The following CSMD3 variants were observed in gnomAD, a reference collection of about 807,000 sequenced individuals.
CSMD3 encodes CUB and sushi domain-containing protein 3.
In CSMD3, 177 loss-of-function variants were observed where a neutral mutation model predicts 435.2. That is an observed-to-expected ratio of 0.41 (90% CI 0.36 to 0.46). CSMD3 has a LOEUF of 0.46. Among genes scored for constraint, CSMD3 ranks in the 20% least tolerant of loss-of-function variants. The pLI is 0.34. For synonymous variants in CSMD3, 1,656 were observed against 1,520.5 expected (o/e 1.09, Z -2.07); for missense variants, 4,265 against 4,504.6 (o/e 0.95, Z 1.52).
Position 113,300,839 on chromosome 8 carries a change from A to G in CSMD3, c.401+13732T>C, listed in dbSNP as rs558624574. Among the ~76,000 whole-genome samples, 8 of 152,268 alleles carry G rather than the reference A, an allele frequency of 5.3e-5. No individual in the cohort carries two copies. The South Asian group carries it at 1.7e-3, about 32-fold the overall frequency. The stretch of plus-strand genomic sequence containing the variant: ...GCACATATATCCTCTGAATTCAAAA[A>G]TTTAAAAAGGGCACGATATTTATTA... On this transcript the variant is annotated intron_variant, in intron 2 of 70. Coordinates refer to ENST00000297405, the MANE Select transcript of CSMD3 (RefSeq NM_198123.2).
intron 13 of CSMD3, among the ~76,000 whole-genome samples, chr8:112,766,904 T>G (rs1246171158): frequency 6.6e-6 from 1 of 151,836 alleles, no homozygotes; most frequent in Non-Finnish European, 1.5e-5. Flanking sequence ...TTTGCAATCT[T>G]GAGCAGGATA....
At chr8:113,378,104 C>T (rs898541443) in intron 1 of CSMD3, among the ~76,000 whole-genome samples, 1 of 152,076 alleles carries the variant, frequency 6.6e-6, no homozygotes, top group Non-Finnish European at 1.5e-5. Context: ...AATAATATAA[C>T]ATAGACAGAA....
At position 112,517,128 on chromosome 8, in the gene CSMD3, A is replaced by G. The variant is rs1443237969; in HGVS notation, c.4662T>C (p.Cys1554=). ...REPGDTVVFQ[C]DPGYELQGEE... is the part of the protein sequence containing the mutation. ...CTCCTTGAAGTTCATATCCTGGGTC[A>G]CATTGAAAAACAACAGTGTCCCCAG... Residue 1554 remains cysteine (C), a synonymous_variant, in exon 28 of 71, where the codon TGT becomes TGC. Coordinates refer to ENST00000297405, the MANE Select transcript of CSMD3 (RefSeq NM_198123.2). The G allele has an allele frequency of 6.2e-7, 1 of 1,613,666 alleles. No homozygotes were observed. The highest frequency in any genetic ancestry group is 1.7e-5 in the Admixed American group (1 of 59,964).
rs114967900 is a variant in CSMD3, at chr8:113,244,764, T to C, written c.514+33828A>G. On this transcript the variant is annotated intron_variant, in intron 3 of 70. Coordinates refer to ENST00000297405, the MANE Select transcript of CSMD3 (RefSeq NM_198123.2). ...ATAAGGGTTTATATCTGGACTGGTT[T>C]TTTTCTTGTGTTTTTGAGTGGAGTG... Among the ~76,000 whole-genome samples the C allele has an allele frequency of 7.1e-3, 1,083 of 152,260 alleles. 10 individuals carry two copies. The highest frequency in any genetic ancestry group is 0.025 in the African/African-American group (1,041 of 41,570).
intron 32 of CSMD3, among the ~76,000 whole-genome samples, chr8:112,463,690 T>C (rs1817674159): frequency 6.6e-6 from 1 of 152,178 alleles, no homozygotes; most frequent in Non-Finnish European, 1.5e-5. Flanking sequence ...TACTTTATAA[T>C]GAATCACATA....
intron 32 of CSMD3, among the ~76,000 whole-genome samples, chr8:112,433,654 C>CAAAAAAAAAAAAAAAAAAAAAAAAAAA (rs35572894): frequency 4.4e-4 from 41 of 93,110 alleles, no homozygotes; most frequent in East Asian, 6.5e-4. Flanking sequence ...GAGAACCTGT[C>CAAAAAAAAAAAAAAAAAAAAAAAAAAA]AAAAAAAAAA....
At chr8:112,689,812 T>A in intron 14 of CSMD3, 56 bp downstream of exon 14, 1 of 1,474,070 alleles carries the variant, frequency 6.8e-7, no homozygotes, top group Non-Finnish European at 9.5e-7. Context: ...CAAAAGCAAT[T>A]ATATGCAAGG....
At chr8:112,539,077 G>C (rs1270323913) in intron 27 of CSMD3, 6 of 154,082 alleles carry the variant, frequency 3.9e-5, no homozygotes, top group Non-Finnish European at 8.7e-5. Context: ...CAACTCTGAA[G>C]ATGATCAGAC....
In CSMD3 at chr8:113,232,946, T is replaced by C. The variant is rs144496189; in HGVS notation, c.514+45646A>G. ...GTGGAACATTTCATTTTTATCCTTT[T>C]ACTGTCTTCCCTAGTAATATTTTTA... On this transcript the variant is annotated intron_variant, in intron 3 of 70. Transcript: ENST00000297405. 5.3e-5 allele frequency among the ~76,000 whole-genome samples: 8 copies of C among 152,040 alleles called. No homozygotes were observed. In the East Asian group the frequency reaches 1.5e-3, roughly 29 times the overall value.
intron 12 of CSMD3, among the ~76,000 whole-genome samples, chr8:112,818,253 T>C (rs2079434559): frequency 6.6e-6 from 1 of 152,070 alleles, no homozygotes; most frequent in South Asian, 2.1e-4. Context: ...TAAATATGTA[T>C]CAAAGTGATA....
At chr8:113,353,012 G>A (rs2094199954) in intron 1 of CSMD3, among the ~76,000 whole-genome samples, 1 of 152,110 alleles carries the variant, frequency 6.6e-6, no homozygotes, top group Non-Finnish European at 1.5e-5. Flanking sequence ...CTAAAATGAT[G>A]GAAGGAATAA....
intron 4 of CSMD3, among the ~76,000 whole-genome samples, chr8:113,153,058 AAAAAG>A (rs1302236251): frequency 7.0e-6 from 1 of 143,444 alleles, no homozygotes; most frequent in Admixed American, 7.5e-5. Flanking sequence ...AGAAGAGAGA[AAAAAG>A]AAAAAAGAAA....
At chr8:113,331,776 A>G (rs921240398) in intron 1 of CSMD3, among the ~76,000 whole-genome samples, 6 of 151,694 alleles carry the variant, frequency 4.0e-5, no homozygotes, top group African/African-American at 1.4e-4. Flanking sequence ...AGAATGGAAC[A>G]CCTTCAACCT....
intron 54 of CSMD3, among the ~76,000 whole-genome samples, chr8:112,293,093 A>C (rs373599100): frequency 2.6e-5 from 4 of 152,166 alleles, no homozygotes; most frequent in African/African-American, 9.6e-5. Flanking sequence ...ACCTAATAGC[A>C]GAAAAGAACA....
chr8:113,023,641 A>G (rs1189585937), intron 5 of CSMD3, among the ~76,000 whole-genome samples: 1 of 152,106 alleles, frequency 6.6e-6, no homozygotes, highest in Non-Finnish European at 1.5e-5. Flanking sequence ...GGCTGAAATA[A>G]ATATCCTTTC....
intron 6 of CSMD3, among the ~76,000 whole-genome samples, chr8:113,015,087 T>C (rs2086404200): frequency 6.6e-6 from 1 of 152,064 alleles, no homozygotes; most frequent in Non-Finnish European, 1.5e-5. Flanking sequence ...ACACAGGTAT[T>C]TATGTAAAAA....
intron 27 of CSMD3, among the ~76,000 whole-genome samples, chr8:112,520,770 C>G (rs72676638): frequency 0.014 from 2,096 of 151,938 alleles, 33 homozygotes; most frequent in Non-Finnish European, 0.02. Context: ...TTTAAAGTAA[C>G]TACAATATGA....
At chr8:112,410,704 A>G (rs144181358) in intron 32 of CSMD3, among the ~76,000 whole-genome samples, 4,704 of 116,170 alleles carry the variant, frequency 0.04, 207 homozygotes, top group East Asian at 0.14. Flanking sequence ...ATATATGTGT[A>G]TATATATATA....
intron 4 of CSMD3, among the ~76,000 whole-genome samples, chr8:113,099,796 T>C (rs550522292): frequency 1.6e-4 from 25 of 152,186 alleles, no homozygotes; most frequent in African/African-American, 4.6e-4. Context: ...TCCTGTTTCA[T>C]AAAGGAATTG....
Sources: allele counts gnomAD v4.1 joint callset (sites outside exome capture counted in the v4.1 genomes callset), GRCh38; gene constraint gnomAD v4.1.1; transcripts MANE v1.5; gene names NCBI Gene and HGNC (gene_info 2026-07-23, HGNC 2026-07-21).